The following AVEN variants were observed in gnomAD, a reference collection of about 807,000 sequenced individuals.
The protein encoded by AVEN is cell death regulator Aven.
A neutral mutation model predicts 38.1 loss-of-function variants in AVEN; 41 were observed. The observed-to-expected ratio is 1.08, with a 90% CI of 0.84 to 1.40. AVEN has a LOEUF of 1.40. AVEN is among the 40% of genes most tolerant of loss of function. The pLI is 0.00. For synonymous variants in AVEN, 206 were observed against 171.8 expected (o/e 1.20, Z -1.56); for missense variants, 605 against 438.8 (o/e 1.38, Z -3.38).
intron 2 of AVEN, among the ~76,000 whole-genome samples, chr15:33,902,928 C>T (rs1277864415): frequency 2.0e-5 from 3 of 152,130 alleles, no homozygotes; most frequent in Non-Finnish European, 4.4e-5. Context: ...TCAATTTACC[C>T]TCCACCCTTC....
chr15:34,020,899 C>A lies in AVEN; in HGVS notation c.268-17690G>T, dbSNP rs188525697. ...AAAAACAAATGGACCTACCAAAATT[C>A]TCTTCCTTTTAAGCACCTACCTTAT... On this transcript the variant is annotated intron_variant, in intron 1 of 5. Coordinates refer to ENST00000306730, the MANE Select transcript of AVEN (RefSeq NM_020371.3). 1.1e-3 allele frequency among the ~76,000 whole-genome samples: 162 copies of A among 152,346 alleles called. 2 individuals carry two copies. Among genetic ancestry groups the A allele is most frequent in the Middle Eastern group, 6.8e-3 (2 of 294 alleles).
At chr15:33,877,184 G>C (rs943314452) in intron 2 of AVEN, among the ~76,000 whole-genome samples, 2 of 152,280 alleles carry the variant, frequency 1.3e-5, no homozygotes, top group Non-Finnish European at 2.9e-5. Context: ...CAACAGAGTT[G>C]TGGGTTGTTT....
intron 2 of AVEN, among the ~76,000 whole-genome samples, chr15:33,969,731 A>C (rs897103313): frequency 1.3e-5 from 2 of 152,044 alleles, no homozygotes; most frequent in African/African-American, 4.8e-5. Context: ...AGACATTTTT[A>C]TAACAGACTA....
At chr15:33,945,796 A>T (rs1894487431) in intron 2 of AVEN, among the ~76,000 whole-genome samples, 2 of 152,258 alleles carry the variant, frequency 1.3e-5, no homozygotes, top group East Asian at 3.9e-4. Flanking sequence ...TATGTTGGCC[A>T]GGATAGTCTC....
chr15:33,947,707 T>C (rs1228557656), intron 2 of AVEN, among the ~76,000 whole-genome samples: 2 of 152,236 alleles, frequency 1.3e-5, no homozygotes, highest in Non-Finnish European at 2.9e-5. Flanking sequence ...ATTTTTATCT[T>C]TTGAGTTTTT....
chr15:34,065,752 G>T (rs1454553421), intron 4 of AVEN: 1 of 152,130 alleles, frequency 6.6e-6, no homozygotes, highest in Admixed American at 6.6e-5. Context: ...GACCTTTGTG[G>T]ACAAAAGTCC....
intron 2 of AVEN, among the ~76,000 whole-genome samples, chr15:33,948,801 T>C (rs141966013): frequency 0.011 from 1,614 of 152,228 alleles, 17 homozygotes; most frequent in Non-Finnish European, 0.016. Flanking sequence ...GCCTCCCAAG[T>C]AGCTGTGATT....
At chr15:33,865,246 G>A (rs117474814), downstream of AVEN, 124 of 1,542,728 alleles carry the variant, frequency 8.0e-5, no homozygotes, top group East Asian at 2.2e-3. Flanking sequence ...AAAGAAGCGC[G>A]ACAATTCTGG....
rs1274165710 is a variant in AVEN, at chr15:34,063,704, T to C, written n.1127-272A>G. 1 of 1,614,006 alleles carries C rather than the reference T, an allele frequency of 6.2e-7. No individual in the cohort carries two copies. Among genetic ancestry groups the C allele is most frequent in the Admixed American group, 1.7e-5 (1 of 60,002 alleles). On this transcript the variant is annotated intron_variant and non_coding_transcript_variant, in intron 4 of 11. Transcript: ENST00000675287. This position sits in a 1 kb window ranked among gnomAD's most constrained non-coding sequence, Gnocchi z 4.1. ...TCCAAGTGGTCTACAAGAGTCAGGGTAAGGAAAGCCCAGGGGAAGAATTCA... is the reference window on the plus strand; with the variant it reads ...TCCAAGTGGTCTACAAGAGTCAGGGCAAGGAAAGCCCAGGGGAAGAATTCA...
Position 34,003,033 on chromosome 15 carries a change from T to C in AVEN, c.444A>G (p.Ala148=), listed in dbSNP as rs151243881. The change falls in exon 2 of 6, where the codon GCA becomes GCG. Residue 148 remains alanine, a splice_region_variant and synonymous_variant. Transcript: ENST00000306730. ...GTDFSVLLSS[A]GDSFSQFRFA... is the part of the protein sequence containing the mutation. ...TATGCATGCAACTGGAATTCATACC[T>C]GCAGAGCTAAGGAGGACACTGAAAT... 160 of 1,612,072 alleles carry C rather than the reference T, an allele frequency of 9.9e-5. 2 individuals carry two copies. In the African/African-American group the frequency reaches 1.7e-3, roughly 17 times the overall value.
intron 1 of AVEN, among the ~76,000 whole-genome samples, chr15:34,009,313 T>G (rs1489987018): frequency 6.6e-6 from 1 of 152,096 alleles, no homozygotes; most frequent in Non-Finnish European, 1.5e-5. Context: ...CAAATCCACA[T>G]GAAAAAAACA....
chr15:34,058,562 A>G lies in AVEN; in HGVS notation n.1637+4360T>C, dbSNP rs542130206. Among the ~76,000 whole-genome samples the G allele has an allele frequency of 2.1e-5, 3 of 145,578 alleles. No individual in the cohort carries two copies. The South Asian group carries it at 6.4e-4, about 31-fold the overall frequency. ...TCTCTCTGCTTTAATTCTAACACAC[A>G]CACACACACACACACACACACACAC... On this transcript the variant is annotated intron_variant and non_coding_transcript_variant, in intron 5 of 11. Transcript: ENST00000675287.
chr15:33,864,278 C>A, downstream of AVEN: 1 of 988,818 alleles, frequency 1.0e-6, no homozygotes, highest in Non-Finnish European at 1.5e-6. Flanking sequence ...GAAATACATA[C>A]ATGGCCCCAT....
At position 33,993,083 on chromosome 15, in the gene AVEN, T is replaced by G. The variant is rs1041028700; in HGVS notation, c.445+9949A>C. Reference sequence around the variant, plus strand: ...TCACACTGTTAAACATTTTTCTAACTCTGGCTATCTGTGACATCTTGAAAG... The same window carrying G: ...TCACACTGTTAAACATTTTTCTAACGCTGGCTATCTGTGACATCTTGAAAG... On this transcript the variant is annotated intron_variant, in intron 2 of 5. Transcript: ENST00000306730. 8.5e-5 allele frequency among the ~76,000 whole-genome samples: 13 copies of G among 152,344 alleles called. No individual in the cohort carries two copies. The East Asian group carries it at 1.3e-3, about 16-fold the overall frequency.
intron 2 of AVEN, among the ~76,000 whole-genome samples, chr15:33,973,737 G>A (rs1416923004): frequency 2.6e-5 from 4 of 152,112 alleles, no homozygotes; most frequent in Admixed American, 6.5e-5. Context: ...TCTGACATAC[G>A]AAATTGCATT....
downstream of AVEN, chr15:33,861,247 T>G (rs878963467): frequency 8.7e-7 from 1 of 1,149,280 alleles, no homozygotes; most frequent in South Asian, 1.3e-5. Context: ...GTCATATAGT[T>G]CAGTCTCTGC....
intron 2 of AVEN, among the ~76,000 whole-genome samples, chr15:33,885,352 A>C (rs570147126): frequency 1.3e-5 from 2 of 152,276 alleles, no homozygotes; most frequent in African/African-American, 4.8e-5. Context: ...TCCAGGGAAA[A>C]TCCACAGCTC....
intron 2 of AVEN, among the ~76,000 whole-genome samples, chr15:33,952,085 CAAA>C (rs1894773008): frequency 6.6e-6 from 1 of 152,082 alleles, no homozygotes; most frequent in Admixed American, 6.5e-5. Flanking sequence ...GCTGCAGTAA[CAAA>C]AGATATATTT....
chr15:34,062,697 C>A, intron 5 of AVEN: 1 of 1,588,626 alleles, frequency 6.3e-7, no homozygotes, highest in Non-Finnish European at 8.6e-7. Context: ...ACACTATTTA[C>A]TGTAAAATTT....
Sources: allele counts gnomAD v4.1 joint callset (sites outside exome capture counted in the v4.1 genomes callset), GRCh38; gene constraint gnomAD v4.1.1; non-coding constraint Gnocchi (gnomAD v3.1); transcripts MANE v1.5; gene names NCBI Gene and HGNC (gene_info 2026-07-23, HGNC 2026-07-21).